SPAST: variants seen among roughly 807,000 people sequenced by gnomAD.
SPAST encodes the protein spastic paraplegia 4 (autosomal dominant; spastin).
A neutral mutation model predicts 76.6 loss-of-function variants in SPAST; 30 were observed. The ratio of observed to expected loss-of-function variants is 0.39; its 90% confidence interval spans 0.29 to 0.53. SPAST has a LOEUF of 0.53. Ranked by LOEUF, SPAST falls within the 20% of genes least tolerant of loss-of-function variation. The pLI is 0.68. For missense variants in SPAST, 717 were observed against 770.5 expected, an observed-to-expected ratio of 0.93 and a Z score of 0.82; for synonymous variants, 305 against 281.0, an observed-to-expected ratio of 1.09 and a Z score of -0.86.
chr2:32,081,104 G>A (rs903605580), intron 1 of SPAST, among the ~76,000 whole-genome samples: 10 of 151,802 alleles, frequency 6.6e-5, no homozygotes, highest in Non-Finnish European at 1.2e-4. Flanking sequence ...GGCAACAGGC[G>A]TGCGCCACCA....
intron 3 of SPAST, among the ~76,000 whole-genome samples, chr2:32,090,869 G>C (rs1411394164): frequency 6.6e-6 from 1 of 152,056 alleles, no homozygotes; most frequent in East Asian, 1.9e-4. Flanking sequence ...TTAATGATTA[G>C]ACTACTTCCT....
chr2:32,138,347 T>A (rs1679610945), intron 12 of SPAST, among the ~76,000 whole-genome samples: 1 of 152,158 alleles, frequency 6.6e-6, no homozygotes, highest in South Asian at 2.1e-4. Flanking sequence ...GTAGACAATA[T>A]GGGATTTTTT....
chr2:32,132,457 C>T (rs544866157), intron 9 of SPAST, among the ~76,000 whole-genome samples: 1 of 151,704 alleles, frequency 6.6e-6, no homozygotes, highest in Admixed American at 6.6e-5. Flanking sequence ...CTATCTAATA[C>T]AATTTTTTCC....
chr2:32,151,345 AT>A (rs1680078901), intron 16 of SPAST, among the ~76,000 whole-genome samples: 1 of 152,198 alleles, frequency 6.6e-6, no homozygotes, highest in African/African-American at 2.4e-5. Flanking sequence ...ATGAGTTAAT[AT>A]TTATAAAGCA....
At chr2:32,087,127 A>G (rs557821460) in intron 1 of SPAST, among the ~76,000 whole-genome samples, 74 of 152,336 alleles carry the variant, frequency 4.9e-4, no homozygotes, top group African/African-American at 1.7e-3. Flanking sequence ...ATGAGATTAA[A>G]CAATGCTTTT....
In SPAST at chr2:32,075,287, G is replaced by A. The variant is rs549851869; in HGVS notation, c.415+11041G>A. ...AATACAAAAACAAAATTAGCCGGGC[G>A]TGGTAGTGGGCGCCTGTAATCCCAG... On this transcript the variant is annotated intron_variant, in intron 1 of 16. Transcript: ENST00000315285. Among the ~76,000 whole-genome samples the A allele has an allele frequency of 4.2e-4, 64 of 151,588 alleles. No individual in the cohort carries two copies. In the East Asian group the frequency reaches 5.7e-3, roughly 14 times the overall value.
At chr2:32,141,967 T>A (rs888435181) in intron 13 of SPAST, 21 bp downstream of exon 13, 1 of 1,604,150 alleles carries the variant, frequency 6.2e-7, no homozygotes, top group African/African-American at 1.3e-5. Context: ...GTGTTTGAAT[T>A]TTTTTTGTTT....
chr2:32,125,349 G>A (rs559531880), intron 7 of SPAST, among the ~76,000 whole-genome samples: 1 of 152,020 alleles, frequency 6.6e-6, no homozygotes, highest in Admixed American at 6.6e-5. Flanking sequence ...TCAACCTCCC[G>A]AGTAGCTGAG....
At chr2:32,150,071 CTT>C (rs368418754) in intron 16 of SPAST, among the ~76,000 whole-genome samples, 12 of 122,862 alleles carry the variant, frequency 9.8e-5, no homozygotes, top group East Asian at 2.3e-4. Flanking sequence ...TTCTTTCTTT[CTT>C]TTTTTTTTTT....
rs1553318241 is a variant in SPAST at position 32,136,934 on chromosome 2, G to A, written c.1379G>A (p.Arg460His). 1.9e-6 allele frequency: 3 copies of A among 1,613,554 alleles called. No homozygotes were observed. Among genetic ancestry groups the A allele is most frequent in the Non-Finnish European group, 2.5e-6 (3 of 1,179,598 alleles). The change falls in exon 11 of 17, where the codon CGC becomes CAC. Residue 460 changes from arginine to histidine, a missense_variant. By Grantham distance (29) the Arg-to-His change is conservative. This residue lies in a region of SPAST where 78 missense variants were observed against 197.6 expected (regional missense o/e 0.39). Coordinates refer to ENST00000315285, the MANE Select transcript of SPAST (RefSeq NM_014946.4). ...GAAGGGGAGCACGATGCTAGTAGAC[G>A]CCTAAAAACTGAATTTCTAATAGAA... is the stretch of plus-strand genomic sequence containing the variant. ...RREGEHDASR[R>H]LKTEFLIEFD...
At chr2:32,121,916 T>C (rs1227107281) in intron 7 of SPAST, among the ~76,000 whole-genome samples, 1 of 152,252 alleles carries the variant, frequency 6.6e-6, no homozygotes, top group East Asian at 1.9e-4. Context: ...TTGTTTACTT[T>C]ATTATCTGTT....
chr2:32,130,825 A>G (rs1679348080), intron 9 of SPAST, among the ~76,000 whole-genome samples: 1 of 152,112 alleles, frequency 6.6e-6, no homozygotes, highest in Non-Finnish European at 1.5e-5. Context: ...TTTACTGTCT[A>G]CAGTTTTGCA....
At chr2:32,143,298 G>T (rs902577688) in intron 13 of SPAST, 38 bp from the exon 14 acceptor site, 3 of 1,215,172 alleles carry the variant, frequency 2.5e-6, no homozygotes, top group Non-Finnish European at 3.6e-6. Context: ...CATTAATTCT[G>T]AAATTAGACT....
chr2:32,122,754 A>C (rs1424220043), intron 7 of SPAST, among the ~76,000 whole-genome samples: 1 of 151,340 alleles, frequency 6.6e-6, no homozygotes, highest in Non-Finnish European at 1.5e-5. Context: ...AGCCTGGGCA[A>C]TGTAGTGAAA....
intron 16 of SPAST, among the ~76,000 whole-genome samples, chr2:32,153,637 A>T (rs1292213981): frequency 6.6e-6 from 1 of 151,932 alleles, no homozygotes; most frequent in South Asian, 2.1e-4. Context: ...TAATTTTTCT[A>T]TTGCCTGGAC....
intron 1 of SPAST, among the ~76,000 whole-genome samples, chr2:32,064,570 T>C (rs1676434480): frequency 6.6e-6 from 1 of 152,194 alleles, no homozygotes; most frequent in Admixed American, 6.5e-5. Context: ...CACTGATCCT[T>C]TCTAGCACTG....
chr2:32,141,573 ATGTTTC>A (rs1679720968), intron 12 of SPAST, among the ~76,000 whole-genome samples: 2 of 152,142 alleles, frequency 1.3e-5, no homozygotes, highest in South Asian at 4.1e-4. Flanking sequence ...GATGAAGTGT[ATGTTTC>A]TGTTTCTATT....
intron 12 of SPAST, among the ~76,000 whole-genome samples, chr2:32,138,196 C>A (rs992883594): frequency 3.9e-5 from 6 of 152,142 alleles, no homozygotes; most frequent in Non-Finnish European, 1.5e-5. Context: ...ATTTCAGGGT[C>A]AAAGGTAGAT....
chr2:32,110,684 T>C (rs1309836695), intron 4 of SPAST, among the ~76,000 whole-genome samples: 2 of 137,636 alleles, frequency 1.5e-5, no homozygotes, highest in Admixed American at 7.6e-5. Flanking sequence ...ATAGTGTATA[T>C]ATACTGTATA....
Sources: allele counts gnomAD v4.1 joint callset (sites outside exome capture counted in the v4.1 genomes callset), GRCh38; gene constraint gnomAD v4.1.1; regional missense constraint gnomAD v4.1.1; transcripts MANE v1.5; gene names NCBI Gene and HGNC (gene_info 2026-07-23, HGNC 2026-07-21).